Variants in RAD51B observed in about 807,000 individuals in gnomAD.
RAD51B encodes the protein RAD51 paralog B, also known as DNA repair protein RAD51 homolog 2.
RAD51B carries 38 observed loss-of-function variants against 42.2 expected under a neutral mutation model. The ratio of observed to expected loss-of-function variants is 0.90; its 90% CI spans 0.70 to 1.18. RAD51B has a LOEUF of 1.18. RAD51B is among the 50% of genes most tolerant of loss of function. The probability of loss-of-function intolerance (pLI) is 0.00; values close to 1 mark genes in which losing one functional copy is unlikely to be tolerated. For synonymous variants in RAD51B, 154 were observed against 145.2 expected, an observed-to-expected ratio of 1.06 and a Z score of -0.43; for missense variants, 373 against 400.7, an observed-to-expected ratio of 0.93 and a Z score of 0.59.
At chr14:67,962,422 G>A (rs1035496658) in intron 7 of RAD51B, among the ~76,000 whole-genome samples, 2 of 152,126 alleles carry the variant, frequency 1.3e-5, no homozygotes, top group Non-Finnish European at 2.9e-5. Flanking sequence ...ACAAGAGAAA[G>A]GTTTCTTCAG....
At chr14:67,879,989 C>T (rs2042855001) in intron 5 of RAD51B, among the ~76,000 whole-genome samples, 1 of 152,148 alleles carries the variant, frequency 6.6e-6, no homozygotes, top group Non-Finnish European at 1.5e-5. Flanking sequence ...GTCTTAGGCT[C>T]TTAATGGATA....
intron 7 of RAD51B, among the ~76,000 whole-genome samples, chr14:68,090,747 A>T (rs972851613): frequency 2.6e-5 from 4 of 151,464 alleles, no homozygotes; most frequent in African/African-American, 9.7e-5. Flanking sequence ...CATGTGCACA[A>T]CGTGCAGGTT....
At chr14:68,132,956 T>C (rs1338829434) in intron 7 of RAD51B, among the ~76,000 whole-genome samples, 1 of 152,226 alleles carries the variant, frequency 6.6e-6, no homozygotes, top group Non-Finnish European at 1.5e-5. Context: ...ACCCCTAGTT[T>C]GGTTCCAGTG....
intron 7 of RAD51B, among the ~76,000 whole-genome samples, chr14:68,074,571 G>A (rs937814615): frequency 3.9e-5 from 6 of 152,192 alleles, no homozygotes; most frequent in Admixed American, 6.5e-5. Flanking sequence ...CTGGGGAGAT[G>A]TTGTAGTCAT....
At chr14:68,466,246 G>T (rs1441317144) in intron 9 of RAD51B, among the ~76,000 whole-genome samples, 1 of 152,212 alleles carries the variant, frequency 6.6e-6, no homozygotes, top group African/African-American at 2.4e-5. Context: ...GGAACCATAT[G>T]TGATGGGTTA....
intron 7 of RAD51B, among the ~76,000 whole-genome samples, chr14:68,100,218 AT>A (rs1412153250): frequency 1.3e-5 from 2 of 152,204 alleles, no homozygotes; most frequent in African/African-American, 2.4e-5. Flanking sequence ...TCAAATATGA[AT>A]TTCTTTATTA....
chr14:68,061,610 C>T (rs988157427), intron 7 of RAD51B, among the ~76,000 whole-genome samples: 1 of 151,550 alleles, frequency 6.6e-6, no homozygotes, highest in Non-Finnish European at 1.5e-5. Context: ...TTTTTTTCAC[C>T]TCCTTTGTTA....
intron 7 of RAD51B, among the ~76,000 whole-genome samples, chr14:67,935,718 C>T (rs2044916822): frequency 6.6e-6 from 1 of 152,114 alleles, no homozygotes; most frequent in Admixed American, 6.5e-5. Context: ...AGATAAGTAG[C>T]CCAGCTGCAG....
At chr14:68,338,595 T>G in intron 8 of RAD51B, 1 of 282,080 alleles carries the variant, frequency 3.5e-6, no homozygotes, top group Non-Finnish European at 6.9e-6. Context: ...CCCACCCATG[T>G]GTAGGTTAAG....
chr14:68,043,617 C>T (rs1184891490), intron 7 of RAD51B, among the ~76,000 whole-genome samples: 5 of 152,142 alleles, frequency 3.3e-5, no homozygotes, highest in South Asian at 4.1e-4. Flanking sequence ...TCTACAAAAG[C>T]GAACCAGACT....
At chr14:68,325,813 TCAC>T (rs2082237197) in intron 8 of RAD51B, among the ~76,000 whole-genome samples, 1 of 152,098 alleles carries the variant, frequency 6.6e-6, no homozygotes, top group South Asian at 2.1e-4. Context: ...TACACAACTG[TCAC>T]CACCCATAGC....
rs956867872 is a variant in RAD51B, at chr14:68,638,163, C to T, written c.1037-12618C>T. Among the ~76,000 whole-genome samples the T allele has an allele frequency of 5.3e-5, 8 of 152,212 alleles. No individual in the cohort carries two copies. The South Asian group carries it at 1.7e-3, about 31-fold the overall frequency. The stretch of plus-strand genomic sequence containing the variant: ...TTTTGAACTGGGTCAAGGAGGGCAA[C>T]TGTGAGCTGACATCCTAACTCACAC... On this transcript the variant is annotated intron_variant, in intron 10 of 11. Coordinates refer to the RAD51B transcript ENST00000488612.
chr14:68,633,776 G>T (rs528694490), intron 10 of RAD51B, among the ~76,000 whole-genome samples: 2 of 152,202 alleles, frequency 1.3e-5, no homozygotes, highest in Non-Finnish European at 2.9e-5. Context: ...TTCCTACCTC[G>T]CCCTAAGATG....
At chr14:68,133,532 C>T (rs1040101817) in intron 7 of RAD51B, among the ~76,000 whole-genome samples, 13 of 152,066 alleles carry the variant, frequency 8.5e-5, no homozygotes, top group African/African-American at 2.2e-4. Flanking sequence ...AGTGCAGTGG[C>T]GTGATCTTGG....
chr14:68,427,795 A>G (rs1296641629), intron 9 of RAD51B, among the ~76,000 whole-genome samples: 2 of 152,178 alleles, frequency 1.3e-5, no homozygotes, highest in Non-Finnish European at 2.9e-5. Context: ...TAATGTATTT[A>G]TATGTGAGAA....
chr14:68,027,763 G>A (rs1445689611), intron 7 of RAD51B, among the ~76,000 whole-genome samples: 7 of 152,044 alleles, frequency 4.6e-5, no homozygotes, highest in Admixed American at 4.6e-4. Flanking sequence ...CCTTGGTTGA[G>A]GTTTCAACTT....
chr14:68,301,387 C>T (rs554705031), intron 8 of RAD51B, among the ~76,000 whole-genome samples: 157 of 152,178 alleles, frequency 1.0e-3, no homozygotes, highest in Non-Finnish European at 1.8e-3. Flanking sequence ...CCCCAGAAAA[C>T]AAACAACAGT....
At position 68,329,313 on chromosome 14, in the gene RAD51B, A is replaced by G. The variant is rs114667287; in HGVS notation, c.853+37333A>G. ...ATGAGCTACCACACCCAGGCTTATT[A>G]TGTCAATTTGAATGTGCACTCTGTC... On this transcript the variant is annotated intron_variant, in intron 8 of 10. Transcript: ENST00000471583. Among the ~76,000 whole-genome samples the G allele has an allele frequency of 5.7e-3, 874 of 152,212 alleles. 4 individuals are homozygous for G. The highest frequency in any genetic ancestry group is 0.018 in the African/African-American group (767 of 41,530).
intron 7 of RAD51B, among the ~76,000 whole-genome samples, chr14:68,132,726 G>T (rs1345788908): frequency 6.6e-6 from 1 of 152,168 alleles, no homozygotes; most frequent in Non-Finnish European, 1.5e-5. Context: ...TTTCATCTCT[G>T]CTTCTCTCAG....
Sources: gnomAD v4.1 joint callset for allele counts (sites outside exome capture counted in the v4.1 genomes callset) on GRCh38, gnomAD v4.1.1 for gene constraint, MANE v1.5 for transcripts, NCBI Gene and HGNC (gene_info 2026-07-23, HGNC 2026-07-21) for gene names.